The following BOD1L1 variants were observed in gnomAD, a reference collection of about 807,000 sequenced individuals.
BOD1L1 encodes the protein biorientation of chromosomes in cell division protein 1-like 1.
A neutral mutation model predicts 240.7 loss-of-function variants in BOD1L1; 86 were observed. That is an observed-to-expected ratio of 0.36 (90% CI 0.30 to 0.43). BOD1L1 has a LOEUF of 0.43. BOD1L1 is among the 20% of genes least tolerant of loss of function. The probability of loss-of-function intolerance (pLI) is 1.00; values close to 1 mark genes in which losing one functional copy is unlikely to be tolerated. For synonymous variants in BOD1L1, 1,268 were observed against 1,272.3 expected, an observed-to-expected ratio of 1.00 and a Z score of 0.07; for missense variants, 3,554 against 3,643.5, an observed-to-expected ratio of 0.98 and a Z score of 0.63.
intron 17 of BOD1L1, among the ~76,000 whole-genome samples, chr4:13,585,184 A>G (rs73112004): frequency 0.03 from 4,573 of 152,268 alleles, 219 homozygotes; most frequent in African/African-American, 0.1. Flanking sequence ...AGAACCAACT[A>G]AAATTCATGA....
chr4:13,583,987 T>C (rs1713438847), intron 17 of BOD1L1, among the ~76,000 whole-genome samples: 1 of 152,194 alleles, frequency 6.6e-6, no homozygotes, highest in African/African-American at 2.4e-5. Context: ...CAGTACTACA[T>C]AACTAGGTCC....
intron 17 of BOD1L1, among the ~76,000 whole-genome samples, chr4:13,584,439 A>AGTGTGTGTGT (rs1380460484): frequency 1.7e-5 from 2 of 118,298 alleles, no homozygotes; most frequent in African/African-American, 7.2e-5. Flanking sequence ...AAAGAGAGAG[A>AGTGTGTGTGT]GAGTGTGTGT....
chr4:13,580,942 A>T (rs1261526443), intron 21 of BOD1L1, 78 bp downstream of exon 21: 7 of 1,337,240 alleles, frequency 5.2e-6, no homozygotes, highest in Non-Finnish European at 7.1e-6. Context: ...ATAAAGTTCA[A>T]AATACTAGAT....
chr4:13,602,137 G>A lies in BOD1L1; in HGVS notation c.4763C>T (p.Ala1588Val). ...AEASECTVFA[A>V]AEEGGAVVTE... ...GACAACAGCCCCACCTTCTTCAGCT[G>A]CAGCAAAAACAGTGCATTCACTGGC... Residue 1588 changes from alanine (A) to valine (V), a missense_variant, in exon 10 of 26, where the codon GCA (alanine) becomes GTA (valine). Physicochemically the swap from Ala to Val is moderately conservative, Grantham distance 64 (BLOSUM62 0). Coordinates refer to ENST00000040738, the MANE Select transcript of BOD1L1 (RefSeq NM_148894.3). The A allele has an allele frequency of 1.9e-6, 3 of 1,613,992 alleles. No individual in the cohort carries two copies. Among genetic ancestry groups the A allele is most frequent in the Non-Finnish European group, 2.5e-6 (3 of 1,179,886 alleles).
At chr4:13,574,790 C>T (rs773985513) in intron 25 of BOD1L1, among the ~76,000 whole-genome samples, 1 of 152,184 alleles carries the variant, frequency 6.6e-6, no homozygotes, top group Admixed American at 6.5e-5. Flanking sequence ...TAACTTTAGC[C>T]GTGTGAGCTT....
chr4:13,581,300 C>A, intron 19 of BOD1L1, 93 bp from the exon 20 acceptor site: 1 of 909,618 alleles, frequency 1.1e-6, no homozygotes. Context: ...TTTAGAGTTC[C>A]TGTCTAAGAG....
chr4:13,595,608 C>T (rs925841142), intron 12 of BOD1L1, among the ~76,000 whole-genome samples: 1 of 152,116 alleles, frequency 6.6e-6, no homozygotes, highest in Non-Finnish European at 1.5e-5. Flanking sequence ...AAACAACTTT[C>T]GTTTTGCATT....
rs755264910 is a variant in BOD1L1, at chr4:13,602,317, A to T, written c.4583T>A (p.Val1528Asp). 7 of 1,613,828 alleles carry T rather than the reference A, an allele frequency of 4.3e-6. No individual in the cohort carries two copies. In the Admixed American group the frequency reaches 1.0e-4, roughly 23 times the overall value. Residue 1528 changes from valine (V) to aspartate (D), a missense_variant, in exon 10 of 26, where the codon GTC (valine) becomes GAC (aspartate). Val to Asp is a radical substitution (Grantham distance 152, BLOSUM62 -3). Coordinates refer to ENST00000040738, the MANE Select transcript of BOD1L1 (RefSeq NM_148894.3). ...CCCAGCCTTCACTGGACTTAAGGTG[A>T]CATCTTTGTCCTTCCCTTCAGTACT... ...ATSTEGKDKDVTLSPVKAGPA... is the reference protein window; with the variant it reads ...ATSTEGKDKDDTLSPVKAGPA...
chr4:13,586,016 C>A (rs962992950), intron 17 of BOD1L1, among the ~76,000 whole-genome samples: 3 of 152,116 alleles, frequency 2.0e-5, no homozygotes, highest in Admixed American at 1.3e-4. Context: ...AGGAGGTAAG[C>A]TAGAGAGCAG....
intron 1 of BOD1L1, among the ~76,000 whole-genome samples, chr4:13,621,698 C>G (rs1448469319): frequency 3.3e-5 from 5 of 152,086 alleles, no homozygotes; most frequent in Non-Finnish European, 4.4e-5. Flanking sequence ...TACTTGTTAG[C>G]TGAATGGGTA....
chr4:13,598,019 G>T (rs1180096416), intron 10 of BOD1L1, among the ~76,000 whole-genome samples: 2 of 152,134 alleles, frequency 1.3e-5, no homozygotes, highest in African/African-American at 4.8e-5. Flanking sequence ...GTCCCTTCAA[G>T]TCCAGCCCAT....
chr4:13,618,809 C>T (rs973612057), intron 2 of BOD1L1, among the ~76,000 whole-genome samples: 3 of 151,380 alleles, frequency 2.0e-5, no homozygotes, highest in African/African-American at 7.3e-5. Flanking sequence ...TCGAGAGGTT[C>T]CTATGGGACA....
At chr4:13,609,219 ATAAG>A (rs1644930084) in intron 7 of BOD1L1, 72 bp downstream of exon 7, 2 of 765,396 alleles carry the variant, frequency 2.6e-6, no homozygotes, top group Non-Finnish European at 3.7e-6. Context: ...TTCATGTCTC[ATAAG>A]TAATATAAGA....
chr4:13,626,494 T>C (rs1717404981), intron 1 of BOD1L1, among the ~76,000 whole-genome samples: 1 of 152,210 alleles, frequency 6.6e-6, no homozygotes, highest in Non-Finnish European at 1.5e-5. Context: ...TCCATCTCAC[T>C]GACTGCTCTT....
chr4:13,625,331 C>T (rs774127631), intron 1 of BOD1L1: 1 of 152,160 alleles, frequency 6.6e-6, no homozygotes, highest in African/African-American at 2.4e-5. Flanking sequence ...AGTAGAAAAA[C>T]AGCGTTTTAA....
At chr4:13,592,258 A>G in intron 12 of BOD1L1, 1 of 307,086 alleles carries the variant, frequency 3.3e-6, no homozygotes, top group Non-Finnish European at 6.0e-6. Flanking sequence ...GGTGATCTGA[A>G]GCTTAGAAAA....
chr4:13,577,256 C>A, intron 24 of BOD1L1, 147 bp downstream of exon 24: 1 of 780,504 alleles, frequency 1.3e-6, no homozygotes, highest in South Asian at 2.1e-5. Flanking sequence ...TGTACCATTT[C>A]TGACACGGGA....
chr4:13,610,942 G>A lies in BOD1L1; in HGVS notation c.1483C>T (p.Gln495Ter). Residue 495 changes from glutamine (Q) to a stop codon, truncating the protein, a stop_gained, in exon 6 of 26, where the codon CAG (glutamine) becomes TAG (stop). Transcript: ENST00000040738. LOFTEE classifies it high-confidence loss of function. ...GAACAAACTGGACTTACAATGGACT[G>A]TCGTCGTTGTTCTACAGTAAGCTCA... ...DDELTVEQRR[Q>*]SIAKEKEERL... is the part of the protein sequence containing the mutation. 1 of 1,601,396 alleles carries A rather than the reference G, an allele frequency of 6.2e-7. No homozygotes were observed.
rs1259322484 is a variant in BOD1L1 at position 13,581,070 on chromosome 4, T to A, written c.8669-16A>T. On this transcript the variant is annotated splice_polypyrimidine_tract_variant and intron_variant, in intron 20 of 25. Transcript: ENST00000040738. ...GAGTCGTCTTCTAAAAAAAAAAAAT[T>A]CACTTAGAAAATCGGTTCGAAAATT... 1 of 1,564,676 alleles carries A rather than the reference T, an allele frequency of 6.4e-7. No homozygotes were observed. The highest frequency in any genetic ancestry group is 8.7e-7 in the Non-Finnish European group (1 of 1,153,060).
Sources: gnomAD v4.1 joint callset for allele counts (sites outside exome capture counted in the v4.1 genomes callset) on GRCh38, gnomAD v4.1.1 for gene constraint, MANE v1.5 for transcripts, NCBI Gene and HGNC (gene_info 2026-07-23, HGNC 2026-07-21) for gene names.